The following TRMT10C variants were observed in gnomAD, a reference collection of about 807,000 sequenced individuals.
TRMT10C encodes tRNA methyltransferase 10C, mitochondrial RNase P subunit.
In TRMT10C, 14 loss-of-function variants were observed where a neutral mutation model predicts 27.4. The observed-to-expected ratio is 0.51, with a 90% CI of 0.34 to 0.80. The LOEUF (loss-of-function observed/expected upper bound fraction) is 0.80, where lower values mean the gene tolerates loss of function less well. Ranked by LOEUF, TRMT10C falls within the 30% of genes least tolerant of loss-of-function variation. The pLI, the probability that TRMT10C is intolerant of heterozygous loss-of-function variation, is 0.02. For synonymous variants in TRMT10C, 143 were observed against 155.9 expected (o/e 0.92, Z 0.62); for missense variants, 438 against 464.8 (o/e 0.94, Z 0.53).
rs1934500957 is a variant in TRMT10C, at chr3:101,565,651, A to T, written c.870A>T (p.Leu290Phe). ...DLFPKDSIIY[L>F]TADSPNVMTT... is the part of the protein sequence containing the mutation. ...TTCCAAAGGACAGTATTATCTATTT[A>T]ACTGCAGATTCTCCCAATGTTATGA... Residue 290 changes from leucine (L) to phenylalanine (F), a missense_variant, in exon 2 of 2, where the codon TTA (leucine) becomes TTT (phenylalanine). This residue lies in a region of TRMT10C where 350 missense variants were observed against 370.5 expected (regional missense o/e 0.94). Transcript: ENST00000309922. 1 of 1,614,096 alleles carries T rather than the reference A, an allele frequency of 6.2e-7. No homozygotes were observed. The highest frequency in any genetic ancestry group is 1.1e-5 in the South Asian group (1 of 91,094).
rs752722984 is a variant in TRMT10C at position 101,565,380 on chromosome 3, A to T, written c.599A>T (p.Gln200Leu). The stretch of plus-strand genomic sequence containing the variant: ...GGCTGGAAGGGTGCCCAGGCCATGC[A>T]GTTTGGACAACCTTTGGTTTTTGAC... ...AMGWKGAQAM[Q>L]FGQPLVFDMA... The change falls in exon 2 of 2, where the codon CAG (glutamine) becomes CTG (leucine). Residue 200 changes from glutamine (Q) to leucine (L), a missense_variant. Around this residue, in one of 3 missense-constraint regions of TRMT10C, gnomAD observed 350 missense variants for 370.5 expected, o/e 0.94. Coordinates refer to ENST00000309922, the MANE Select transcript of TRMT10C (RefSeq NM_017819.4). The T allele has an allele frequency of 1.9e-6, 3 of 1,614,194 alleles. No homozygotes were observed. The South Asian group carries it at 3.3e-5, about 18-fold the overall frequency.
rs1559948348 is a variant in TRMT10C, at chr3:101,561,914, C to G, written c.-102C>G. ...GGTAGGCTGCGTGCTAGCTTCGGCG[C>G]GGATCCCTGGGCGTCCGTACGTCGG... is the stretch of plus-strand genomic sequence containing the variant. On this transcript the variant is annotated 5_prime_UTR_variant, in exon 1 of 2. Transcript: ENST00000309922. 6.5e-6 allele frequency: 1 copy of G among 152,884 alleles called. No individual in the cohort carries two copies. The highest frequency in any genetic ancestry group is 1.5e-5 in the Non-Finnish European group (1 of 68,368). 9.5% of individuals were successfully genotyped at this position (152,884 alleles called of 1,614,324 possible).
At chr3:101,563,947 T>C (rs1934466958) in intron 1 of TRMT10C, among the ~76,000 whole-genome samples, 1 of 152,236 alleles carries the variant, frequency 6.6e-6, no homozygotes. Context: ...TCTTGGTATA[T>C]TTCTGTAACG....
At chr3:101,562,998 T>C (rs1468154610) in intron 1 of TRMT10C, among the ~76,000 whole-genome samples, 2 of 152,182 alleles carry the variant, frequency 1.3e-5, no homozygotes, top group Non-Finnish European at 2.9e-5. Context: ...TAGAAATATA[T>C]GTTGGGAACA....
rs535568792 is a variant in TRMT10C, at chr3:101,561,978, C to G, written c.-38C>G. 3.3e-5 allele frequency: 5 copies of G among 153,168 alleles called. No individual in the cohort carries two copies. The highest frequency in any genetic ancestry group is 5.8e-5 in the Non-Finnish European group (4 of 68,642). The allele number at this position is 153,168 out of a possible 1,614,324, so 9.5% of individuals were successfully genotyped here. On this transcript the variant is annotated 5_prime_UTR_variant, in exon 1 of 2. Transcript: ENST00000309922. ...CCAGGGTCCCTGTTCTTTGCGCCAG[C>G]GGGAACCACTATCTCTGCACTCCTG...
At chr3:101,563,742 T>A (rs944717616) in intron 1 of TRMT10C, among the ~76,000 whole-genome samples, 2 of 152,208 alleles carry the variant, frequency 1.3e-5, no homozygotes, top group Non-Finnish European at 2.9e-5. Context: ...CCTTCAAATT[T>A]GAGACAAGTT....
At position 101,565,771 on chromosome 3, in the gene TRMT10C, C is replaced by A. The variant is rs754546905; in HGVS notation, c.990C>A (p.Asn330Lys). The stretch of plus-strand genomic sequence containing the variant: ...CCCTAGCCAAGGCAAAACGGCTGAA[C>A]CTGGCAACTGAATGCCTTCCATTAG... Reference protein sequence around the residue: ...GTSLAKAKRLNLATECLPLDK... With the variant: ...GTSLAKAKRLKLATECLPLDK... Residue 330 changes from asparagine to lysine, a missense_variant, in exon 2 of 2, where the codon AAC becomes AAA. This residue lies in a region of TRMT10C where 4 missense variants were observed against 17.8 expected (regional missense o/e 0.22). Coordinates refer to ENST00000309922, the MANE Select transcript of TRMT10C (RefSeq NM_017819.4). 6.2e-7 allele frequency: 1 copy of A among 1,614,110 alleles called. No homozygotes were observed. Among genetic ancestry groups the A allele is most frequent in the South Asian group, 1.1e-5 (1 of 91,078 alleles).
chr3:101,565,304 A>G lies in TRMT10C; in HGVS notation c.523A>G (p.Lys175Glu), dbSNP rs769135998. Residue 175 changes from lysine to glutamate, a missense_variant, in exon 2 of 2, where the codon AAA (lysine) becomes GAA (glutamate). Physicochemically the swap from Lys to Glu is moderately conservative, Grantham distance 56. Around this residue, in one of 3 missense-constraint regions of TRMT10C, gnomAD observed 350 missense variants for 370.5 expected, o/e 0.94. Coordinates refer to ENST00000309922, the MANE Select transcript of TRMT10C (RefSeq NM_017819.4). ...AGAAACCACTGAGGAAGATAAACAG[A>G]AAAACTTTCTATTTTTACGACTTTG... ...LLETTEEDKQ[K>E]NFLFLRLWDR... The G allele has an allele frequency of 6.2e-7, 1 of 1,613,722 alleles. No individual in the cohort carries two copies. Among genetic ancestry groups the G allele is most frequent in the East Asian group, 2.2e-5 (1 of 44,878 alleles).
At position 101,565,482 on chromosome 3, in the gene TRMT10C, A is replaced by G; in HGVS notation, c.701A>G (p.Asn234Ser). The change falls in exon 2 of 2, where the codon AAC (asparagine) becomes AGC (serine). Residue 234 changes from asparagine (N) to serine (S), a missense_variant. Asn to Ser is a conservative substitution (Grantham distance 46). Around this residue, in one of 3 missense-constraint regions of TRMT10C, gnomAD observed 350 missense variants for 370.5 expected, o/e 0.94. Coordinates refer to ENST00000309922, the MANE Select transcript of TRMT10C (RefSeq NM_017819.4). ...CAGCTTTTAGAAAGTGAAGGATGGA[A>G]CAGAAGAAATGTTGATCCTTTCCAT... ...VSQLLESEGW[N>S]RRNVDPFHIY... The G allele has an allele frequency of 6.2e-7, 1 of 1,614,132 alleles. No individual in the cohort carries two copies. Among genetic ancestry groups the G allele is most frequent in the South Asian group, 1.1e-5 (1 of 91,082 alleles).
intron 1 of TRMT10C, among the ~76,000 whole-genome samples, chr3:101,563,723 ATTTC>A (rs1934462967): frequency 1.3e-5 from 2 of 152,164 alleles, no homozygotes; most frequent in South Asian, 2.1e-4. Flanking sequence ...AATTCCCTTT[ATTTC>A]TTTTCCTTCA....
intron 1 of TRMT10C, among the ~76,000 whole-genome samples, chr3:101,563,996 G>A (rs991987765): frequency 6.6e-6 from 1 of 152,116 alleles, no homozygotes; most frequent in Admixed American, 6.6e-5. Context: ...CTTTTTACCT[G>A]TTGCCATTCT....
intron 1 of TRMT10C, among the ~76,000 whole-genome samples, chr3:101,562,865 A>G (rs4257518): frequency 0.29 from 44,708 of 151,850 alleles, 6,981 homozygotes; most frequent in East Asian, 0.46. Context: ...TAACCAGGCA[A>G]TTACAGTGCA....
At chr3:101,563,143 T>G (rs556913940) in intron 1 of TRMT10C, among the ~76,000 whole-genome samples, 7 of 152,330 alleles carry the variant, frequency 4.6e-5, no homozygotes, top group African/African-American at 1.7e-4. Context: ...TGAGACAGTC[T>G]TACTCTGTCG....
chr3:101,565,470 G>T lies in TRMT10C; in HGVS notation c.689G>T (p.Ser230Ile). Residue 230 changes from serine (S) to isoleucine (I), a missense_variant, in exon 2 of 2, where the codon AGT becomes ATT. Around this residue, in one of 3 missense-constraint regions of TRMT10C, gnomAD observed 350 missense variants for 370.5 expected, o/e 0.94. Transcript: ENST00000309922. The stretch of plus-strand genomic sequence containing the variant: ...AATACTGTTTCCCAGCTTTTAGAAA[G>T]TGAAGGATGGAACAGAAGAAATGTT... ...LQNTVSQLLESEGWNRRNVDP... is the reference protein window; with the variant it reads ...LQNTVSQLLEIEGWNRRNVDP... The T allele has an allele frequency of 6.2e-7, 1 of 1,614,142 alleles. No homozygotes were observed. The highest frequency in any genetic ancestry group is 1.7e-5 in the Admixed American group (1 of 60,020).
In TRMT10C at chr3:101,565,716, T is replaced by C. The variant is rs761836674; in HGVS notation, c.935T>C (p.Phe312Ser). The C allele has an allele frequency of 5.0e-6, 8 of 1,614,136 alleles. No homozygotes were observed. Among genetic ancestry groups the C allele is most frequent in the African/African-American group, 2.7e-5 (2 of 74,954 alleles). ...RHDKVYVIGS[F>S]VDKSMQPGTS... Reference sequence around the variant, plus strand: ...GACAAAGTTTATGTAATTGGGTCTTTTGTTGATAAGAGTATGCAGCCAGGC... The same window carrying C: ...GACAAAGTTTATGTAATTGGGTCTTCTGTTGATAAGAGTATGCAGCCAGGC... Residue 312 changes from phenylalanine to serine, a missense_variant, in exon 2 of 2, where the codon TTT becomes TCT. By Grantham distance (155) the Phe-to-Ser change is radical (BLOSUM62 -2). Transcript: ENST00000309922.
chr3:101,563,486 G>T (rs1934458373), intron 1 of TRMT10C, among the ~76,000 whole-genome samples: 1 of 152,010 alleles, frequency 6.6e-6, no homozygotes, highest in Non-Finnish European at 1.5e-5. Context: ...CTAATGCATG[G>T]TCATTGAAGC....
chr3:101,562,871 G>A (rs551418140), intron 1 of TRMT10C, among the ~76,000 whole-genome samples: 1 of 152,182 alleles, frequency 6.6e-6, no homozygotes, highest in East Asian at 1.9e-4. Flanking sequence ...GGCAATTACA[G>A]TGCAGTGTTA....
At chr3:101,562,410 A>G (rs1934431706) in intron 1 of TRMT10C, among the ~76,000 whole-genome samples, 1 of 152,030 alleles carries the variant, frequency 6.6e-6, no homozygotes, top group Non-Finnish European at 1.5e-5. Flanking sequence ...TCCCAGCACA[A>G]TGAGAGGCCG....
In TRMT10C at chr3:101,564,867, A is replaced by C. The variant is rs1361552120; in HGVS notation, c.86A>C (p.Lys29Thr). The stretch of plus-strand genomic sequence containing the variant: ...TTGGTGCCATTTACCCTTCATAGGA[A>C]GAGAAATAACTTAACAATTTTGCAG... Reference protein sequence around the residue: ...RFLVPFTLHRKRNNLTILQRY... With the variant: ...RFLVPFTLHRTRNNLTILQRY... The change falls in exon 2 of 2, where the codon AAG (lysine) becomes ACG (threonine). Residue 29 changes from lysine (K) to threonine (T), a missense_variant. Physicochemically the swap from Lys to Thr is moderately conservative, Grantham distance 78. Coordinates refer to ENST00000309922, the MANE Select transcript of TRMT10C (RefSeq NM_017819.4). 1.2e-6 allele frequency: 2 copies of C among 1,613,950 alleles called. No individual in the cohort carries two copies. Among genetic ancestry groups the C allele is most frequent in the Non-Finnish European group, 1.7e-6 (2 of 1,179,980 alleles).
Sources: gnomAD v4.1 joint callset for allele counts (sites outside exome capture counted in the v4.1 genomes callset) on GRCh38, gnomAD v4.1.1 for gene constraint, gnomAD v4.1.1 regional missense constraint, MANE v1.5 for transcripts, NCBI Gene and HGNC (gene_info 2026-07-23, HGNC 2026-07-21) for gene names.